IQGAP2: variants seen among roughly 807,000 people sequenced by gnomAD.
The protein encoded by IQGAP2 is ras GTPase-activating-like protein IQGAP2.
IQGAP2 carries 173 observed loss-of-function variants against 201.3 expected under a neutral mutation model. The observed-to-expected ratio is 0.86, with a 90% confidence interval of 0.76 to 0.98. IQGAP2 has a LOEUF of 0.98. Among genes scored for constraint, IQGAP2 ranks in the 50% least tolerant of loss-of-function variants. IQGAP2 has a pLI of 0.00. For synonymous variants in IQGAP2, 675 were observed against 673.9 expected, an observed-to-expected ratio of 1.00 and a Z score of -0.03; for missense variants, 1,687 against 1,864.8, an observed-to-expected ratio of 0.90 and a Z score of 1.76.
At chr5:76,613,924 C>T (rs1234912456) in intron 13 of IQGAP2, among the ~76,000 whole-genome samples, 1 of 152,142 alleles carries the variant, frequency 6.6e-6, no homozygotes, top group South Asian at 2.1e-4. Context: ...AACTCCTGAC[C>T]TCAGGTTATC....
chr5:76,454,014 G>GT (rs1319617406), intron 1 of IQGAP2, among the ~76,000 whole-genome samples: 1 of 152,200 alleles, frequency 6.6e-6, no homozygotes, highest in Non-Finnish European at 1.5e-5. Context: ...AGGACAGAGT[G>GT]TATAGGAGCA....
intron 5 of IQGAP2, among the ~76,000 whole-genome samples, chr5:76,583,505 T>A (rs545106209): frequency 5.3e-5 from 8 of 152,206 alleles, no homozygotes; most frequent in African/African-American, 1.7e-4. Flanking sequence ...ATATTTTTTT[T>A]AATTTTTTAG....
rs577752843 is a variant in IQGAP2, at chr5:76,623,877, A to G, written c.1522-3533A>G. 1.5e-3 allele frequency among the ~76,000 whole-genome samples: 229 copies of G among 147,764 alleles called. 1 individual carries two copies. Among genetic ancestry groups the G allele is most frequent in the Non-Finnish European group, 2.9e-3 (194 of 67,042 alleles). ...AGTTTGTCGTCAGTGCCTGGCCAGAACCTGGCTTTTGAGTGGTGGTGGTTT... is the reference window on the plus strand; with the variant it reads ...AGTTTGTCGTCAGTGCCTGGCCAGAGCCTGGCTTTTGAGTGGTGGTGGTTT... On this transcript the variant is annotated intron_variant, in intron 13 of 35. Transcript: ENST00000274364.
At chr5:76,513,210 C>T (rs1472966295) in intron 2 of IQGAP2, among the ~76,000 whole-genome samples, 1 of 152,190 alleles carries the variant, frequency 6.6e-6, no homozygotes, top group Non-Finnish European at 1.5e-5. Context: ...GTGCCAAGTA[C>T]TGTGCTAAAT....
intron 27 of IQGAP2, among the ~76,000 whole-genome samples, chr5:76,676,100 C>T: frequency 6.7e-6 from 1 of 149,834 alleles, no homozygotes; most frequent in Non-Finnish European, 1.5e-5. Flanking sequence ...CACACACACA[C>T]ACACACACAC....
At chr5:76,536,038 A>G (rs1023604148) in intron 2 of IQGAP2, among the ~76,000 whole-genome samples, 5 of 145,922 alleles carry the variant, frequency 3.4e-5, no homozygotes, top group Non-Finnish European at 6.0e-5. Context: ...GCACGTACCC[A>G]TTTACCTGGC....
chr5:76,498,949 G>A (rs1243392489), intron 2 of IQGAP2, among the ~76,000 whole-genome samples: 1 of 152,238 alleles, frequency 6.6e-6, no homozygotes. Context: ...TTGCCCGCAA[G>A]AGGATGAAAA....
intron 2 of IQGAP2, among the ~76,000 whole-genome samples, chr5:76,474,668 G>T (rs1259756089): frequency 2.6e-5 from 4 of 152,182 alleles, no homozygotes; most frequent in African/African-American, 9.7e-5. Context: ...TATGTCATCT[G>T]GGAGAGTGAC....
intron 2 of IQGAP2, among the ~76,000 whole-genome samples, chr5:76,538,236 A>C (rs1759739505): frequency 2.0e-5 from 3 of 152,318 alleles, no homozygotes; most frequent in South Asian, 4.1e-4. Flanking sequence ...CGAGAACAGC[A>C]CAAGAAAGAC....
At chr5:76,574,123 AT>A (rs1356569410) in intron 4 of IQGAP2, among the ~76,000 whole-genome samples, 14 of 152,180 alleles carry the variant, frequency 9.2e-5, no homozygotes, top group Non-Finnish European at 1.5e-4. Context: ...ACGTACTACC[AT>A]ATGATGCATT....
chr5:76,638,960 T>G (rs10474483), intron 16 of IQGAP2, among the ~76,000 whole-genome samples: 32,477 of 152,100 alleles, frequency 0.21, 3,662 homozygotes, highest in South Asian at 0.38. Flanking sequence ...GAATCAACCC[T>G]TGTAGCAAGA....
Position 76,673,475 on chromosome 5 carries a change from A to G in IQGAP2, c.3095A>G (p.Glu1032Gly). 1 of 1,614,088 alleles carries G rather than the reference A, an allele frequency of 6.2e-7. No homozygotes were observed. Among genetic ancestry groups the G allele is most frequent in the Non-Finnish European group, 8.5e-7 (1 of 1,179,956 alleles). Residue 1032 changes from glutamate (E) to glycine (G), a missense_variant, in exon 25 of 36, where the codon GAA (glutamate) becomes GGA (glycine). Physicochemically the swap from Glu to Gly is moderately conservative, Grantham distance 98 (BLOSUM62 -2). Transcript: ENST00000274364. ...AAGTTGCCTTATGATGTGACCACAG[A>G]ACAAGCTCTAACATACCCAGAAGTG... ...ASKLPYDVTTEQALTYPEVKN... is the reference protein window; with the variant it reads ...ASKLPYDVTTGQALTYPEVKN...
chr5:76,621,273 T>C (rs1015256632), intron 13 of IQGAP2, among the ~76,000 whole-genome samples: 1 of 152,088 alleles, frequency 6.6e-6, no homozygotes, highest in Non-Finnish European at 1.5e-5. Context: ...CGGTGTAAAA[T>C]AGAGGAGGTG....
rs79871053 is a variant in IQGAP2 at position 76,641,092 on chromosome 5, G to A, written c.2083G>A (p.Val695Ile). Residue 695 changes from valine (V) to isoleucine (I), a missense_variant, in exon 17 of 36, where the codon GTC becomes ATC. Transcript: ENST00000274364. ...TTTGCATGAACAAGAAGAGAATGTG[G>A]TCAAAATACAGGTATGTGGATCACC... ...SFLHEQEENV[V>I]KIQAFWKGYK... The A allele has an allele frequency of 4.1e-4, 651 of 1,598,438 alleles. 2 individuals are homozygous for A. The African/African-American group carries it at 7.8e-3, about 19-fold the overall frequency.
intron 2 of IQGAP2, among the ~76,000 whole-genome samples, chr5:76,504,734 T>C (rs1419320767): frequency 6.6e-6 from 1 of 152,196 alleles, no homozygotes; most frequent in Admixed American, 6.5e-5. Context: ...TTCACGTCCT[T>C]ATCATGTGAA....
chr5:76,567,414 T>C (rs1580475213), intron 3 of IQGAP2, among the ~76,000 whole-genome samples: 1 of 152,360 alleles, frequency 6.6e-6, no homozygotes, highest in East Asian at 1.9e-4. Context: ...ACGCTTCTAA[T>C]GCCAAACATT....
chr5:76,664,946 GT>G (rs1246118782), intron 21 of IQGAP2, 79 bp from the exon 22 acceptor site: 2 of 796,622 alleles, frequency 2.5e-6, no homozygotes, highest in East Asian at 5.1e-5. Flanking sequence ...CCAATTACGT[GT>G]GTTTCAATCC....
intron 9 of IQGAP2, among the ~76,000 whole-genome samples, 167 bp downstream of exon 9, chr5:76,593,092 G>A (rs1359463399): frequency 6.6e-6 from 1 of 152,150 alleles, no homozygotes; most frequent in African/African-American, 2.4e-5. Context: ...GCATTTGGCA[G>A]TTTCCCACTG....
intron 2 of IQGAP2, among the ~76,000 whole-genome samples, chr5:76,538,923 G>A (rs1030176608): frequency 6.6e-6 from 1 of 152,166 alleles, no homozygotes; most frequent in Non-Finnish European, 1.5e-5. Context: ...GCCTCTCGTA[G>A]CCTGCTGCTT....
Sources: allele counts gnomAD v4.1 joint callset (sites outside exome capture counted in the v4.1 genomes callset), GRCh38; gene constraint gnomAD v4.1.1; transcripts MANE v1.5; gene names NCBI Gene and HGNC (gene_info 2026-07-23, HGNC 2026-07-21).